The following LAMA2 variants were observed in gnomAD, a reference collection of about 807,000 sequenced individuals.
The protein encoded by LAMA2 is laminin subunit alpha 2, also known as laminin subunit alpha-2.
In LAMA2, 269 loss-of-function variants were observed where a neutral mutation model predicts 364.8. The ratio of observed to expected loss-of-function variants is 0.74; its 90% CI spans 0.67 to 0.82. LAMA2 has a LOEUF of 0.82. LAMA2 is among the 40% of genes least tolerant of loss of function. The pLI is 0.00. For missense variants in LAMA2, 3,807 were observed against 3,873.2 expected (o/e 0.98, Z 0.45); for synonymous variants, 1,379 against 1,370.6 (o/e 1.01, Z -0.14).
intron 49 of LAMA2, 126 bp downstream of exon 49, chr6:129,460,450 T>C: frequency 1.0e-6 from 1 of 984,686 alleles, no homozygotes. Flanking sequence ...TACTCAGAGG[T>C]GGAATTACCA....
intron 12 of LAMA2, among the ~76,000 whole-genome samples, chr6:129,202,637 G>A (rs1331459534): frequency 6.6e-6 from 1 of 152,096 alleles, no homozygotes; most frequent in African/African-American, 2.4e-5. Flanking sequence ...CAGCCTGAAT[G>A]CATCAGTACA....
chr6:129,192,794 C>G lies in LAMA2; in HGVS notation c.1723C>G (p.Arg575Gly), dbSNP rs1326508623. The change falls in exon 12 of 65, where the codon CGG becomes GGG. Residue 575 changes from arginine (R) to glycine (G), a missense_variant. Physicochemically the swap from Arg to Gly is moderately radical, Grantham distance 125 (BLOSUM62 -2). Coordinates refer to ENST00000421865, the MANE Select transcript of LAMA2 (RefSeq NM_000426.4). ...QQISISNAEA[R>G]QALPHSYYWS... Reference sequence around the variant, plus strand: ...GATCAGCATCAGTAACGCGGAGGCCCGGCAAGCCCTGCCGCACAGCTACTA... The same window carrying G: ...GATCAGCATCAGTAACGCGGAGGCCGGGCAAGCCCTGCCGCACAGCTACTA... The G allele has an allele frequency of 3.1e-6, 5 of 1,614,170 alleles. No individual in the cohort carries two copies. In the South Asian group the frequency reaches 5.5e-5, roughly 18 times the overall value.
intron 53 of LAMA2, 147 bp from the exon 54 acceptor site, chr6:129,478,545 AC>A (rs1327444374): frequency 2.0e-5 from 16 of 783,604 alleles, no homozygotes; most frequent in Non-Finnish European, 3.5e-5. Flanking sequence ...GACAATGGAA[AC>A]CAGAGTTTGC....
At chr6:129,182,357 A>C (rs975555238) in intron 10 of LAMA2, among the ~76,000 whole-genome samples, 28 of 151,562 alleles carry the variant, frequency 1.8e-4, no homozygotes, top group African/African-American at 6.5e-4. Context: ...AAGGTGATAA[A>C]ACCCTGTCAA....
intron 12 of LAMA2, among the ~76,000 whole-genome samples, chr6:129,221,572 A>G (rs531644187): frequency 3.5e-4 from 53 of 152,276 alleles, no homozygotes; most frequent in African/African-American, 4.8e-4. Context: ...ATCTCTTTAT[A>G]CTCAATTTAT....
intron 45 of LAMA2, among the ~76,000 whole-genome samples, chr6:129,452,381 T>C (rs1273176578): frequency 3.9e-5 from 6 of 152,172 alleles, no homozygotes; most frequent in Non-Finnish European, 5.9e-5. Context: ...CATTGGAAAT[T>C]ATTTCCATTT....
chr6:129,104,872 A>T (rs1251637910), intron 4 of LAMA2, among the ~76,000 whole-genome samples: 1 of 152,146 alleles, frequency 6.6e-6, no homozygotes, highest in Non-Finnish European at 1.5e-5. Context: ...CTAGCATCCT[A>T]GGCCTGCACC....
At chr6:129,267,837 A>C (rs562645018) in intron 16 of LAMA2, among the ~76,000 whole-genome samples, 1 of 152,246 alleles carries the variant, frequency 6.6e-6, no homozygotes, top group Non-Finnish European at 1.5e-5. Flanking sequence ...CCTGCTAAGA[A>C]ACCTTAGGAT....
At chr6:129,233,413 C>T (rs1784793205) in intron 12 of LAMA2, among the ~76,000 whole-genome samples, 1 of 152,068 alleles carries the variant, frequency 6.6e-6, no homozygotes. Flanking sequence ...AGAAGCCTTA[C>T]TGATAACATA....
chr6:129,031,682 C>T (rs1049092024), intron 1 of LAMA2, among the ~76,000 whole-genome samples: 1 of 152,180 alleles, frequency 6.6e-6, no homozygotes, highest in Non-Finnish European at 1.5e-5. Flanking sequence ...TAAAACAATA[C>T]ATACATCTTT....
chr6:129,216,980 G>A (rs377017816), intron 12 of LAMA2, among the ~76,000 whole-genome samples: 1 of 151,996 alleles, frequency 6.6e-6, no homozygotes, highest in South Asian at 2.1e-4. Context: ...CACGAGGTCA[G>A]GAGATCAAGA....
At chr6:129,020,057 G>A (rs1785329244) in intron 1 of LAMA2, among the ~76,000 whole-genome samples, 1 of 146,346 alleles carries the variant, frequency 6.8e-6, no homozygotes, top group Non-Finnish European at 1.5e-5. Flanking sequence ...CTGCACTCCA[G>A]CCTGGGCGAC....
chr6:128,965,250 G>A (rs1358973022), intron 1 of LAMA2, among the ~76,000 whole-genome samples: 1 of 152,058 alleles, frequency 6.6e-6, no homozygotes, highest in African/African-American at 2.4e-5. Context: ...GGAAAACTAA[G>A]TAAAGCAGGC....
rs1385140198 is a variant in LAMA2 at position 129,503,231 on chromosome 6, A to G, written c.8498A>G (p.Asp2833Gly). ...TTCAGCTATGACTTGGGGAGTGGGG[A>G]CACCCACACCATGATCCCCACCAAA... The part of the protein sequence containing the change: ...PYFSYDLGSG[D>G]THTMIPTKIN... Residue 2833 changes from aspartate to glycine, a missense_variant, in exon 60 of 65, where the codon GAC becomes GGC. Asp to Gly is a moderately conservative substitution (Grantham distance 94). This residue lies in a region of LAMA2 where 3,333 missense variants were observed against 3,345.7 expected (regional missense o/e 1.00). Coordinates refer to ENST00000421865, the MANE Select transcript of LAMA2 (RefSeq NM_000426.4). 6.2e-7 allele frequency: 1 copy of G among 1,613,890 alleles called. No homozygotes were observed. Among genetic ancestry groups the G allele is most frequent in the East Asian group, 2.2e-5 (1 of 44,870 alleles).
intron 2 of LAMA2, among the ~76,000 whole-genome samples, chr6:129,054,415 T>C (rs983491750): frequency 3.9e-5 from 6 of 152,242 alleles, no homozygotes; most frequent in Admixed American, 3.3e-4. Context: ...CAAAGCCTGA[T>C]GGAGGGAAAC....
At chr6:128,988,932 T>G (rs1186750918) in intron 1 of LAMA2, among the ~76,000 whole-genome samples, 7 of 152,184 alleles carry the variant, frequency 4.6e-5, no homozygotes, top group Admixed American at 4.6e-4. Context: ...ATTTTATAAC[T>G]AATACATATT....
intron 22 of LAMA2, among the ~76,000 whole-genome samples, chr6:129,308,236 A>C (rs968727323): frequency 5.9e-5 from 9 of 152,172 alleles, no homozygotes; most frequent in Non-Finnish European, 1.3e-4. Flanking sequence ...TCAGAATTTC[A>C]AAGTGTTCTT....
At chr6:129,272,244 T>G (rs1182386419) in intron 17 of LAMA2, among the ~76,000 whole-genome samples, 1 of 152,218 alleles carries the variant, frequency 6.6e-6, no homozygotes, top group African/African-American at 2.4e-5. Context: ...ATGCCAATTC[T>G]GGAGCCAGAC....
intron 17 of LAMA2, 55 bp downstream of exon 17, chr6:129,270,806 C>T (rs1271269546): frequency 5.2e-6 from 8 of 1,550,844 alleles, no homozygotes; most frequent in African/African-American, 1.4e-5. Context: ...TGCAAGTACA[C>T]TTTTCATAGC....
Sources: allele counts gnomAD v4.1 joint callset (sites outside exome capture counted in the v4.1 genomes callset), GRCh38; gene constraint gnomAD v4.1.1; regional missense constraint gnomAD v4.1.1; transcripts MANE v1.5; gene names NCBI Gene and HGNC (gene_info 2026-07-23, HGNC 2026-07-21).